Variants in DPF3 observed in about 807,000 individuals in gnomAD.
The protein encoded by DPF3 is zinc finger protein DPF3.
A neutral mutation model predicts 56.8 loss-of-function variants in DPF3; 18 were observed. That is an observed-to-expected ratio of 0.32 (90% CI 0.22 to 0.47). DPF3 has a LOEUF of 0.47. Among genes scored for constraint, DPF3 ranks in the 20% least tolerant of loss-of-function variants. DPF3 has a pLI of 1.00. For missense variants in DPF3, 403 were observed against 488.8 expected, an observed-to-expected ratio of 0.82 and a Z score of 1.65; for synonymous variants, 188 against 180.2, an observed-to-expected ratio of 1.04 and a Z score of -0.35.
At chr14:72,684,230 A>G (rs1887302407) in intron 7 of DPF3, among the ~76,000 whole-genome samples, 1 of 152,094 alleles carries the variant, frequency 6.6e-6, no homozygotes, top group Admixed American at 6.6e-5. Flanking sequence ...TATTTTTAGT[A>G]GAGATGGGGC....
chr14:72,703,960 T>C (rs1197561331), intron 6 of DPF3, among the ~76,000 whole-genome samples: 1 of 152,208 alleles, frequency 6.6e-6, no homozygotes, highest in African/African-American at 2.4e-5. Flanking sequence ...ATTGAAAATA[T>C]CTATGAACCA....
intron 1 of DPF3, among the ~76,000 whole-genome samples, chr14:72,807,475 C>T (rs547170680): frequency 1.3e-5 from 2 of 152,248 alleles, no homozygotes; most frequent in South Asian, 2.1e-4. Flanking sequence ...CCCTTTGACT[C>T]GGCTAGTTTT....
chr14:72,670,876 G>T (rs1364945517), intron 8 of DPF3: 1 of 1,201,644 alleles, frequency 8.3e-7, no homozygotes, highest in South Asian at 1.8e-5. Flanking sequence ...AATAAATAGC[G>T]CATCACGATG....
intron 1 of DPF3, among the ~76,000 whole-genome samples, chr14:72,833,490 G>T (rs1884150159): frequency 6.6e-6 from 1 of 152,148 alleles, no homozygotes; most frequent in South Asian, 2.1e-4. Flanking sequence ...TACGGGGATG[G>T]ATGCCAAGGG....
rs961096725 is a variant in DPF3 at position 72,846,626 on chromosome 14, A to G, written c.32+47431T>C. Reference sequence around the variant, plus strand: ...GCTGGGATTACAGGCGTGAGCCACCACGCCCAGCCTAGGATAGTCTTGAAC... The same window carrying G: ...GCTGGGATTACAGGCGTGAGCCACCGCGCCCAGCCTAGGATAGTCTTGAAC... On this transcript the variant is annotated intron_variant, in intron 1 of 10. Coordinates refer to ENST00000556509, the MANE Select transcript of DPF3 (RefSeq NM_001280542.3). 5.0e-5 allele frequency among the ~76,000 whole-genome samples: 7 copies of G among 138,950 alleles called. 1 individual carries two copies. The highest frequency in any genetic ancestry group is 4.8e-4 in the East Asian group (2 of 4,210). 91.2% of individuals were successfully genotyped at this position (138,950 alleles called of 152,430 possible).
intron 1 of DPF3, among the ~76,000 whole-genome samples, chr14:72,776,093 C>T (rs1891733608): frequency 6.6e-6 from 1 of 151,980 alleles, no homozygotes; most frequent in Non-Finnish European, 1.5e-5. Flanking sequence ...AATGACTCAT[C>T]TGTGGAGTGG....
At chr14:72,675,702 G>C (rs894913656) in intron 7 of DPF3, 1 of 152,212 alleles carries the variant, frequency 6.6e-6, no homozygotes, top group African/African-American at 2.4e-5. Flanking sequence ...TCATTATAGA[G>C]GGTTAATCCA....
rs1041459015 is a variant in DPF3 at position 72,616,314 on chromosome 14, T to C, written c.*2983A>G. Among the ~76,000 whole-genome samples, 1 of 152,164 alleles carries C rather than the reference T, an allele frequency of 6.6e-6. No individual in the cohort carries two copies. The highest frequency in any genetic ancestry group is 1.9e-4 in the East Asian group (1 of 5,200). On this transcript the variant is annotated 3_prime_UTR_variant, in exon 11 of 11. Transcript: ENST00000556509. ...TAAAAGTCACCTTTCCATTCTCAAC[T>C]GCATTAATCTTATAGAAGGAGTATC...
At chr14:72,838,448 C>T (rs1227660456) in intron 1 of DPF3, among the ~76,000 whole-genome samples, 2 of 152,072 alleles carry the variant, frequency 1.3e-5, no homozygotes, top group East Asian at 3.9e-4. Context: ...GAGTCGAGAT[C>T]GAGCCACTGC....
chr14:72,881,975 A>G (rs1311481057), intron 1 of DPF3, among the ~76,000 whole-genome samples: 1 of 152,202 alleles, frequency 6.6e-6, no homozygotes, highest in Non-Finnish European at 1.5e-5. Context: ...ATGAAGAGGT[A>G]TTGTCTGATT....
At chr14:72,640,042 T>A (rs1390655714) in intron 8 of DPF3, among the ~76,000 whole-genome samples, 1 of 28,552 alleles carries the variant, frequency 3.5e-5, no homozygotes, top group Admixed American at 7.0e-4. Context: ...AGGAGTTTTC[T>A]AAGTAAAAAA....
Position 72,612,006 on chromosome 14 carries a change from C to G in DPF3, c.*7291G>C, listed in dbSNP as rs1883755935. On this transcript the variant is annotated 3_prime_UTR_variant, in exon 11 of 11. Coordinates refer to ENST00000556509, the MANE Select transcript of DPF3 (RefSeq NM_001280542.3). Reference sequence around the variant, plus strand: ...GGCCAGCATGCGGTTTATTTTCCAGCCCCTACAGGACCTAGAGCATTGCCT... The same window carrying G: ...GGCCAGCATGCGGTTTATTTTCCAGGCCCTACAGGACCTAGAGCATTGCCT... Among the ~76,000 whole-genome samples, 1 of 152,186 alleles carries G rather than the reference C, an allele frequency of 6.6e-6. No homozygotes were observed. Among genetic ancestry groups the G allele is most frequent in the Admixed American group, 6.5e-5 (1 of 15,284 alleles).
At chr14:72,861,890 C>T (rs1043709982) in intron 1 of DPF3, among the ~76,000 whole-genome samples, 1 of 152,066 alleles carries the variant, frequency 6.6e-6, no homozygotes, top group African/African-American at 2.4e-5. Flanking sequence ...TTAATGCATT[C>T]ATCAAAATAC....
chr14:72,640,045 G>GAAA (rs1555491065), intron 8 of DPF3, among the ~76,000 whole-genome samples: 1 of 11,938 alleles, frequency 8.4e-5, no homozygotes, highest in Admixed American at 1.4e-3. Flanking sequence ...AGTTTTCTAA[G>GAAA]TAAAAAAAAA....
chr14:72,854,580 C>A (rs1445756225), intron 1 of DPF3, among the ~76,000 whole-genome samples: 1 of 152,026 alleles, frequency 6.6e-6, no homozygotes, highest in African/African-American at 2.4e-5. Flanking sequence ...TAAGAAAATC[C>A]AATTTGTTTC....
Position 72,821,659 on chromosome 14 carries a change from A to G in DPF3, c.33-49766T>C, listed in dbSNP as rs1018652956. On this transcript the variant is annotated intron_variant, in intron 1 of 10. Coordinates refer to ENST00000556509, the MANE Select transcript of DPF3 (RefSeq NM_001280542.3). ...CACTTATGGGTAGAGAAACACATAA[A>G]CAAATTGTTTCATTGCAGCAAATAT... Among the ~76,000 whole-genome samples the G allele has an allele frequency of 2.6e-5, 4 of 152,206 alleles. No individual in the cohort carries two copies. In the East Asian group the frequency reaches 7.7e-4, roughly 29 times the overall value.
intron 8 of DPF3, among the ~76,000 whole-genome samples, chr14:72,642,957 G>T (rs1046000496): frequency 6.6e-6 from 1 of 152,232 alleles, no homozygotes; most frequent in African/African-American, 2.4e-5. Context: ...GACTGATTTT[G>T]TTTTGATTCC....
chr14:72,888,558 G>A (rs2140134462), intron 1 of DPF3, among the ~76,000 whole-genome samples: 1 of 152,318 alleles, frequency 6.6e-6, no homozygotes. Flanking sequence ...CTCTCTTGCA[G>A]TTCAACAACA....
chr14:72,687,426 ATGTTTTTTAAGTTATT>A (rs1887460676), intron 7 of DPF3, among the ~76,000 whole-genome samples: 1 of 152,200 alleles, frequency 6.6e-6, no homozygotes, highest in African/African-American at 2.4e-5. Flanking sequence ...CTCCAAACAG[ATGTTTTTTAAGTTATT>A]TGTTTTTGCC....
Sources: allele counts gnomAD v4.1 joint callset (sites outside exome capture counted in the v4.1 genomes callset), GRCh38; gene constraint gnomAD v4.1.1; transcripts MANE v1.5; gene names NCBI Gene and HGNC (gene_info 2026-07-23, HGNC 2026-07-21).